Variants in SPAG6 observed in about 807,000 individuals in gnomAD.
The protein encoded by SPAG6 is sperm-associated antigen 6.
In SPAG6, 49 loss-of-function variants were observed where a neutral mutation model predicts 58.5. The ratio of observed to expected loss-of-function variants is 0.84; its 90% CI spans 0.67 to 1.06. The LOEUF (loss-of-function observed/expected upper bound fraction) is 1.06. Among genes scored for constraint, SPAG6 ranks in the 50% least tolerant of loss-of-function variants. The pLI is 0.00. For missense variants in SPAG6, 560 were observed against 611.3 expected, an observed-to-expected ratio of 0.92 and a Z score of 0.89; for synonymous variants, 233 against 225.6, an observed-to-expected ratio of 1.03 and a Z score of -0.29.
At chr10:22,348,320 T>C (rs1414744929) in intron 2 of SPAG6, among the ~76,000 whole-genome samples, 1 of 152,244 alleles carries the variant, frequency 6.6e-6, no homozygotes, top group Non-Finnish European at 1.5e-5. Context: ...AAATGATTTG[T>C]TCTTTTAAAA....
At chr10:22,346,430 G>GTTCTTCTTCTTCTTCTTCTTCTTC (rs71393995) in intron 2 of SPAG6, among the ~76,000 whole-genome samples, 42 of 96,002 alleles carry the variant, frequency 4.4e-4, no homozygotes, top group South Asian at 8.8e-4. Context: ...AGAGAAAATG[G>GTTCTTCTTCTTCTTCTTCTTCTTC]TTCTTCTTCT....
intron 2 of SPAG6, among the ~76,000 whole-genome samples, chr10:22,349,518 G>T (rs1356182860): frequency 1.3e-5 from 2 of 152,186 alleles, no homozygotes; most frequent in African/African-American, 2.4e-5. Flanking sequence ...GTGGCTTACT[G>T]GAACACCAGG....
At chr10:22,415,274 A>G (rs1834841338) in intron 10 of SPAG6, among the ~76,000 whole-genome samples, 1 of 150,656 alleles carries the variant, frequency 6.6e-6, no homozygotes, top group Non-Finnish European at 1.5e-5. Context: ...TTATTACATT[A>G]AAATATAAAA....
chr10:22,346,487 CTTCTTCTTCTTT>C (rs1564357331), intron 2 of SPAG6, among the ~76,000 whole-genome samples: 1 of 138,492 alleles, frequency 7.2e-6, no homozygotes, highest in Non-Finnish European at 1.5e-5. Flanking sequence ...TCTTCTTCTT[CTTCTTCTTCTTT>C]CTTCTTCTTC....
At position 22,403,820 on chromosome 10, in the gene SPAG6, C is replaced by T. The variant is rs1463244815; in HGVS notation, c.1314+2543C>T. ...TGTTGTTTCCTGACTTTTTAATGAT[C>T]GCCATTCTAACTGGTGTGAGATGGT... On this transcript the variant is annotated intron_variant, in intron 9 of 10. Coordinates refer to ENST00000376624, the MANE Select transcript of SPAG6 (RefSeq NM_012443.4). Among the ~76,000 whole-genome samples, 107 of 146,690 alleles carry T rather than the reference C, an allele frequency of 7.3e-4. 1 individual carries two copies. Among genetic ancestry groups the T allele is most frequent in the Admixed American group, 1.2e-3 (18 of 14,808 alleles).
At chr10:22,347,156 G>A (rs1416497202) in intron 2 of SPAG6, among the ~76,000 whole-genome samples, 1 of 152,052 alleles carries the variant, frequency 6.6e-6, no homozygotes, top group Non-Finnish European at 1.5e-5. Context: ...CCCTTTTATA[G>A]CCACACACAC....
chr10:22,378,955 C>A lies in SPAG6; in HGVS notation c.473-7799C>A, dbSNP rs73598504. 2.1e-3 allele frequency among the ~76,000 whole-genome samples: 317 copies of A among 152,264 alleles called. 1 individual carries two copies. Among genetic ancestry groups the A allele is most frequent in the African/African-American group, 7.4e-3 (306 of 41,556 alleles). Reference sequence around the variant, plus strand: ...TTTAAAGGAGCCAGAATTATTTCGCCTTTAAAGCAAATGTATGTATGTATG... The same window carrying A: ...TTTAAAGGAGCCAGAATTATTTCGCATTTAAAGCAAATGTATGTATGTATG... On this transcript the variant is annotated intron_variant, in intron 4 of 10. Coordinates refer to ENST00000376624, the MANE Select transcript of SPAG6 (RefSeq NM_012443.4).
At chr10:22,358,785 C>T (rs1187588689) in intron 2 of SPAG6, among the ~76,000 whole-genome samples, 1 of 152,202 alleles carries the variant, frequency 6.6e-6, no homozygotes, top group East Asian at 1.9e-4. Context: ...GATCCAGTTT[C>T]AGCTTTCTAC....
At position 22,345,592 on chromosome 10, in the gene SPAG6, C is replaced by A; in HGVS notation, c.-20C>A. 1 of 1,527,472 alleles carries A rather than the reference C, an allele frequency of 6.5e-7. No homozygotes were observed. Among genetic ancestry groups the A allele is most frequent in the South Asian group, 1.2e-5 (1 of 82,138 alleles). 94.6% of individuals were successfully genotyped at this position (1,527,472 alleles called of 1,614,324 possible). ...GCTTCCCCGCAGAGCTCGAGGAGGG[C>A]AGACGGCGGCGGGGGCGCCATGAGT... On this transcript the variant is annotated 5_prime_UTR_variant, in exon 1 of 11. Coordinates refer to ENST00000376624, the MANE Select transcript of SPAG6 (RefSeq NM_012443.4). This position sits in a 1 kb window ranked among gnomAD's most constrained non-coding sequence, Gnocchi z 6.3.
chr10:22,364,829 C>A (rs1477925590), intron 2 of SPAG6, 24 bp from the exon 3 acceptor site: 2 of 1,570,046 alleles, frequency 1.3e-6, no homozygotes, highest in South Asian at 2.3e-5. Context: ...TTCCTGATTT[C>A]TGTTCTTTCA....
intron 4 of SPAG6, among the ~76,000 whole-genome samples, chr10:22,382,546 A>G (rs1293812490): frequency 6.6e-6 from 1 of 152,174 alleles, no homozygotes; most frequent in African/African-American, 2.4e-5. Flanking sequence ...TCTAGTATAT[A>G]TTATTAATTC....
chr10:22,388,987 A>C (rs985790266), intron 6 of SPAG6, among the ~76,000 whole-genome samples, 173 bp from the exon 7 acceptor site: 8 of 152,192 alleles, frequency 5.3e-5, no homozygotes, highest in Non-Finnish European at 1.2e-4. Flanking sequence ...GTGCATTTGA[A>C]CTAGCAGGTT....
Position 22,411,165 on chromosome 10 carries a change from G to A in SPAG6, c.1449G>A (p.Glu483=), listed in dbSNP as rs892891381. The A allele has an allele frequency of 6.2e-7, 1 of 1,605,772 alleles. No homozygotes were observed. Among genetic ancestry groups the A allele is most frequent in the South Asian group, 1.1e-5 (1 of 88,664 alleles). The part of the protein sequence containing the change: ...YINSINSCYP[E]EIVRYYSPGY... ...ACAGTATTAACAGTTGTTACCCCGA[G>A]GAAATAGTGAGGTGGGGAAAATGGA... Residue 483 remains glutamate, a synonymous_variant, in exon 10 of 11, where the codon GAG becomes GAA. Coordinates refer to ENST00000376624, the MANE Select transcript of SPAG6 (RefSeq NM_012443.4).
intron 4 of SPAG6, among the ~76,000 whole-genome samples, chr10:22,375,384 A>C (rs1833793787): frequency 1.3e-5 from 2 of 152,176 alleles, no homozygotes. Flanking sequence ...ACCTTGAGAT[A>C]AGACATGTTC....
In SPAG6 at chr10:22,409,840, A is replaced by G. The variant is rs532094035; in HGVS notation, c.1315-1191A>G. Among the ~76,000 whole-genome samples, 4 of 152,220 alleles carry G rather than the reference A, an allele frequency of 2.6e-5. No individual in the cohort carries two copies. The East Asian group carries it at 7.7e-4, about 29-fold the overall frequency. ...CATTTCCACTGGCTTTTTCCTGTCA[A>G]CCTGCAAACGTGCTCAAGTCTCCCT... On this transcript the variant is annotated intron_variant, in intron 9 of 10. Coordinates refer to ENST00000376624, the MANE Select transcript of SPAG6 (RefSeq NM_012443.4).
At chr10:22,407,788 A>T (rs982053109) in intron 9 of SPAG6, among the ~76,000 whole-genome samples, 1 of 151,980 alleles carries the variant, frequency 6.6e-6, no homozygotes, top group Non-Finnish European at 1.5e-5. Flanking sequence ...TCAGACGTAG[A>T]TTTGGTCTTT....
chr10:22,395,140 C>T lies in SPAG6; in HGVS notation c.1197+3220C>T, dbSNP rs531425448. Reference sequence around the variant, plus strand: ...ATTAATATGTCACATTTTGTTTATCCATTTACCAGCTGATGGACGTTGGAT... The same window carrying T: ...ATTAATATGTCACATTTTGTTTATCTATTTACCAGCTGATGGACGTTGGAT... On this transcript the variant is annotated intron_variant, in intron 8 of 10. Transcript: ENST00000376624. Among the ~76,000 whole-genome samples the T allele has an allele frequency of 6.6e-5, 10 of 152,290 alleles. 1 individual carries two copies. The South Asian group carries it at 1.9e-3, about 28-fold the overall frequency.
intron 9 of SPAG6, among the ~76,000 whole-genome samples, chr10:22,405,083 C>G (rs1834517037): frequency 6.6e-6 from 1 of 152,200 alleles, no homozygotes; most frequent in South Asian, 2.1e-4. Context: ...CGTCTGCAAA[C>G]AGGGACAGTT....
rs189988936 is a variant in SPAG6 at position 22,363,798 on chromosome 10, G to A, written c.122-1055G>A. ...AAGAATACTGGTAATATTTGCTTTT[G>A]TGTATAACTAGGATATATTTTTAAA... On this transcript the variant is annotated intron_variant, in intron 2 of 10. Transcript: ENST00000376624. 6.0e-3 allele frequency among the ~76,000 whole-genome samples: 920 copies of A among 152,242 alleles called. 6 individuals carry two copies. Among genetic ancestry groups the A allele is most frequent in the Non-Finnish European group, 9.9e-3 (675 of 68,008 alleles).
Sources: gnomAD v4.1 joint callset for allele counts (sites outside exome capture counted in the v4.1 genomes callset) on GRCh38, gnomAD v4.1.1 for gene constraint, Gnocchi (gnomAD v3.1) non-coding constraint, MANE v1.5 for transcripts, NCBI Gene and HGNC (gene_info 2026-07-23, HGNC 2026-07-21) for gene names.